The following DYRK2 variants were observed in gnomAD, a reference collection of about 807,000 sequenced individuals.
DYRK2 encodes dual specificity tyrosine phosphorylation regulated kinase 2.
In DYRK2, 12 loss-of-function variants were observed where a neutral mutation model predicts 41.6. That is an observed-to-expected ratio of 0.29 (90% confidence interval 0.18 to 0.47). DYRK2 has a LOEUF of 0.47. DYRK2 is among the 20% of genes least tolerant of loss of function. DYRK2 has a pLI of 1.00. For missense variants in DYRK2, 678 were observed against 798.4 expected (o/e 0.85, Z 1.82); for synonymous variants, 322 against 315.7 (o/e 1.02, Z -0.21).
chr12:67,658,680 G>A lies in DYRK2; in HGVS notation c.1773G>A (p.Gln591=). ...AQMTDANGNI[Q]QRTVLPKLVS is the part of the protein sequence containing the mutation. The stretch of plus-strand genomic sequence containing the variant: ...TGACAGATGCCAATGGGAATATTCA[G>A]CAGAGGACAGTGTTGCCAAAACTTG... Residue 591 remains glutamine (Q), a synonymous_variant, in exon 3 of 3, where the codon CAG becomes CAA. Coordinates refer to ENST00000344096, the MANE Select transcript of DYRK2 (RefSeq NM_006482.3). This position sits in a 1 kb window ranked among gnomAD's most constrained non-coding sequence, Gnocchi z 4.3. 2 of 1,612,396 alleles carry A rather than the reference G, an allele frequency of 1.2e-6. No individual in the cohort carries two copies. The highest frequency in any genetic ancestry group is 2.2e-5 in the East Asian group (1 of 44,886).
rs1872606864 is a variant in DYRK2, at chr12:67,660,970, C to T, written c.*2257C>T. ...AACATTTATAAATGGACTAATACTG[C>T]TTGTCTTTCCCCCACCGCACAAAAC... On this transcript the variant is annotated 3_prime_UTR_variant, in exon 3 of 3. Transcript: ENST00000344096. 6.0e-6 allele frequency: 1 copy of T among 166,968 alleles called. No individual in the cohort carries two copies. The highest frequency in any genetic ancestry group is 2.4e-5 in the African/African-American group (1 of 41,428). 10.3% of individuals were successfully genotyped at this position (166,968 alleles called of 1,614,324 possible).
At chr12:67,649,386 C>T (rs563948562) in intron 1 of DYRK2, among the ~76,000 whole-genome samples, 2 of 151,638 alleles carry the variant, frequency 1.3e-5, no homozygotes, top group Non-Finnish European at 2.9e-5. Context: ...GCCCTCGGCC[C>T]GAAGAGGCTT....
rs1412008407 is a variant in DYRK2 at position 67,649,130 on chromosome 12, G to A, written c.-4G>A. On this transcript the variant is annotated 5_prime_UTR_variant, in exon 1 of 3. Transcript: ENST00000344096. ...CCTGAAATGCATTTTCCTCTCCAGCGGCCATGTTAACCAGGAAACCTTCGG... is the reference window on the plus strand; with the variant it reads ...CCTGAAATGCATTTTCCTCTCCAGCAGCCATGTTAACCAGGAAACCTTCGG... 3 of 1,511,476 alleles carry A rather than the reference G, an allele frequency of 2.0e-6. No individual in the cohort carries two copies. Among genetic ancestry groups the A allele is most frequent in the Admixed American group, 4.0e-5 (2 of 50,400 alleles). 93.6% of individuals were successfully genotyped at this position (1,511,476 alleles called of 1,614,324 possible). A position where few individuals can be genotyped will look rare whatever the true frequency, so the allele number is the denominator to read the frequency against.
At position 67,661,537 on chromosome 12, in the gene DYRK2, T is replaced by G. The variant is rs1452059018; in HGVS notation, c.*2824T>G. 1 of 167,078 alleles carries G rather than the reference T, an allele frequency of 6.0e-6. No individual in the cohort carries two copies. The highest frequency in any genetic ancestry group is 1.5e-5 in the Non-Finnish European group (1 of 68,092). 10.3% of individuals were successfully genotyped at this position (167,078 alleles called of 1,614,324 possible). On this transcript the variant is annotated 3_prime_UTR_variant, in exon 3 of 3. Transcript: ENST00000344096. Reference sequence around the variant, plus strand: ...TTAGTGTTAACAATGTGCCTTTTGTTCTGAATGCCATGTTGTAGGGCATGC... The same window carrying G: ...TTAGTGTTAACAATGTGCCTTTTGTGCTGAATGCCATGTTGTAGGGCATGC...
At chr12:67,650,428 C>T (rs376633599) in intron 2 of DYRK2, among the ~76,000 whole-genome samples, 2 of 152,224 alleles carry the variant, frequency 1.3e-5, no homozygotes, top group African/African-American at 4.8e-5. Context: ...CAGGGAGCAT[C>T]GCCAATTGTC....
chr12:67,654,020 C>G (rs867143714), intron 2 of DYRK2, among the ~76,000 whole-genome samples: 30 of 152,298 alleles, frequency 2.0e-4, no homozygotes, highest in Middle Eastern at 3.4e-3. Context: ...CTTATTTAAT[C>G]CCCCTAAAAG....
intron 2 of DYRK2, chr12:67,651,460 A>G (rs1169153676): frequency 2.6e-6 from 1 of 391,928 alleles, no homozygotes; most frequent in South Asian, 1.9e-5. Flanking sequence ...AAATACATGT[A>G]ATGAAAGTAG....
chr12:67,648,957 G>T lies in DYRK2; in HGVS notation c.-177G>T. ...CGGGGGGCTCGCGGCGGCGGGCCCC[G>T]GCCGAGGGGATGCAGTGGACTGTGT... is the stretch of plus-strand genomic sequence containing the variant. On this transcript the variant is annotated 5_prime_UTR_variant, in exon 1 of 3. Transcript: ENST00000344096. 1 of 423,762 alleles carries T rather than the reference G, an allele frequency of 2.4e-6. No individual in the cohort carries two copies. Among genetic ancestry groups the T allele is most frequent in the Non-Finnish European group, 4.0e-6 (1 of 248,272 alleles). The allele number at this position is 423,762 out of a possible 1,614,324, so 26.3% of individuals were successfully genotyped here.
chr12:67,652,166 T>G (rs1409335999), intron 2 of DYRK2, among the ~76,000 whole-genome samples: 13 of 152,154 alleles, frequency 8.5e-5, no homozygotes, highest in Admixed American at 8.5e-4. Context: ...GATTATAAAC[T>G]TTGGAATTTA....
chr12:67,658,021 A>G lies in DYRK2; in HGVS notation c.1114A>G (p.Ser372Gly), dbSNP rs1872529769. 2.5e-6 allele frequency: 4 copies of G among 1,614,272 alleles called. No homozygotes were observed. Among genetic ancestry groups the G allele is most frequent in the Non-Finnish European group, 3.4e-6 (4 of 1,180,054 alleles). Residue 372 changes from serine to glycine, a missense_variant, in exon 3 of 3, where the codon AGT becomes GGT. Ser to Gly is a moderately conservative substitution (Grantham distance 56, BLOSUM62 0). This residue lies in a region of DYRK2 where 393 missense variants were observed against 519.1 expected (regional missense o/e 0.76). Coordinates refer to ENST00000344096, the MANE Select transcript of DYRK2 (RefSeq NM_006482.3). This position sits in a 1 kb window ranked among gnomAD's most constrained non-coding sequence, Gnocchi z 4.3. Reference sequence around the variant, plus strand: ...TATTAAAGTAATTGATTTTGGCTCCAGTTGTTACGAGCATCAGCGTGTCTA... The same window carrying G: ...TATTAAAGTAATTGATTTTGGCTCCGGTTGTTACGAGCATCAGCGTGTCTA... ...SGIKVIDFGS[S>G]CYEHQRVYTY...
In DYRK2 at chr12:67,657,552, C is replaced by T. The variant is rs762739744; in HGVS notation, c.645C>T (p.His215=). The T allele has an allele frequency of 6.2e-6, 10 of 1,613,972 alleles. No homozygotes were observed. Among genetic ancestry groups the T allele is most frequent in the Middle Eastern group, 1.6e-4 (1 of 6,062 alleles). Residue 215 remains histidine (H), a synonymous_variant, in exon 3 of 3, where the codon CAC becomes CAT. Coordinates refer to ENST00000344096, the MANE Select transcript of DYRK2 (RefSeq NM_006482.3). The surrounding 1 kb of genome is among the most constrained non-coding windows in gnomAD (Gnocchi z 4.8). ...AGGGATCATATGTGCAGGTGCCCCACGATCACGTGGCTTACAGGTATGAGG... is the reference window on the plus strand; with the variant it reads ...AGGGATCATATGTGCAGGTGCCCCATGATCACGTGGCTTACAGGTATGAGG... ...DDQGSYVQVP[H]DHVAYRYEVL...
Position 67,660,870 on chromosome 12 carries a change from T to C in DYRK2, c.*2157T>C, listed in dbSNP as rs992146426. On this transcript the variant is annotated 3_prime_UTR_variant, in exon 3 of 3. Transcript: ENST00000344096. The stretch of plus-strand genomic sequence containing the variant: ...AATGCTCCTCTTCCATTTCCAGTTA[T>C]CTTCACATTTACATTTAAATATACA... 1.8e-5 allele frequency: 3 copies of C among 166,934 alleles called. No homozygotes were observed. Among genetic ancestry groups the C allele is most frequent in the African/African-American group, 7.2e-5 (3 of 41,458 alleles). 10.3% of individuals were successfully genotyped at this position (166,934 alleles called of 1,614,324 possible).
intron 1 of DYRK2, 68 bp downstream of exon 1, chr12:67,649,250 G>A: frequency 8.1e-7 from 1 of 1,229,074 alleles, no homozygotes; most frequent in Non-Finnish European, 1.0e-6. Flanking sequence ...CCTGTGGCGC[G>A]GGCGGCCGCT....
chr12:67,649,433 C>A (rs2120802795), intron 1 of DYRK2, among the ~76,000 whole-genome samples: 1 of 151,584 alleles, frequency 6.6e-6, no homozygotes, highest in East Asian at 2.0e-4. Context: ...CCGTCCAGGC[C>A]TGCCGCCCCG....
intron 2 of DYRK2, 135 bp from the exon 3 acceptor site, chr12:67,656,971 T>C (rs576473110): frequency 2.9e-4 from 258 of 901,344 alleles, no homozygotes; most frequent in Non-Finnish European, 3.9e-4. Flanking sequence ...GATCACATGT[T>C]TTGTGGCTTT....
Position 67,662,290 on chromosome 12 carries a change from A to G in DYRK2, c.*3577A>G, listed in dbSNP as rs538539101. 1.4e-4 allele frequency: 24 copies of G among 167,092 alleles called. No individual in the cohort carries two copies. The East Asian group carries it at 3.9e-3, about 27-fold the overall frequency. 10.4% of individuals were successfully genotyped at this position (167,092 alleles called of 1,614,324 possible). ...TTAGGGGCTTGTACATCTCTCTGCTATGGACATACATAAAATTAATTGTAA... is the reference window on the plus strand; with the variant it reads ...TTAGGGGCTTGTACATCTCTCTGCTGTGGACATACATAAAATTAATTGTAA... On this transcript the variant is annotated 3_prime_UTR_variant, in exon 3 of 3. Coordinates refer to ENST00000344096, the MANE Select transcript of DYRK2 (RefSeq NM_006482.3).
At chr12:67,650,184 A>AC (rs566891547) in intron 2 of DYRK2, among the ~76,000 whole-genome samples, 163 of 152,296 alleles carry the variant, frequency 1.1e-3, no homozygotes, top group African/African-American at 3.8e-3. Flanking sequence ...GAGCTCGCCC[A>AC]CCCATGACCT....
In DYRK2 at chr12:67,658,702, CTTG is replaced by C. The variant is rs1872551482; in HGVS notation, c.1798_1800del (p.Val600del). On this transcript the variant is annotated inframe_deletion, in exon 3 of 3. Transcript: ENST00000344096. This position sits in a 1 kb window ranked among gnomAD's most constrained non-coding sequence, Gnocchi z 4.3. ...TCAGCAGAGGACAGTGTTGCCAAAA[CTTG>C]TTAGCTGAGCTCACGTCCCCTGATG... The C allele has an allele frequency of 6.2e-7, 1 of 1,604,928 alleles. No individual in the cohort carries two copies. The highest frequency in any genetic ancestry group is 8.5e-7 in the Non-Finnish European group (1 of 1,175,482).
chr12:67,649,080 C>T lies in DYRK2; in HGVS notation c.-54C>T. ...CGGCGGCGGCCGCCAGAAGTAGCAG[C>T]AGGACCGGCGGCGGCGACGGCAGCC... On this transcript the variant is annotated 5_prime_UTR_variant, in exon 1 of 3. Transcript: ENST00000344096. 2 of 1,433,934 alleles carry T rather than the reference C, an allele frequency of 1.4e-6. No individual in the cohort carries two copies. Among genetic ancestry groups the T allele is most frequent in the Non-Finnish European group, 9.3e-7 (1 of 1,078,606 alleles). 88.8% of individuals were successfully genotyped at this position (1,433,934 alleles called of 1,614,324 possible). A position where few individuals can be genotyped will look rare whatever the true frequency, so the allele number is the denominator to read the frequency against.
Sources: gnomAD v4.1 joint callset for allele counts (sites outside exome capture counted in the v4.1 genomes callset) on GRCh38, gnomAD v4.1.1 for gene constraint, gnomAD v4.1.1 regional missense constraint, Gnocchi (gnomAD v3.1) non-coding constraint, MANE v1.5 for transcripts, NCBI Gene and HGNC (gene_info 2026-07-23, HGNC 2026-07-21) for gene names.